SRRM1: variants seen among roughly 807,000 people sequenced by gnomAD.
The protein encoded by SRRM1 is serine and arginine repetitive matrix 1.
Under a neutral mutation model 110.2 loss-of-function variants are expected in SRRM1, and 19 were observed. The ratio of observed to expected loss-of-function variants is 0.17; its 90% confidence interval spans 0.12 to 0.25. SRRM1 has a LOEUF of 0.25. Among genes scored for constraint, SRRM1 ranks in the 10% least tolerant of loss-of-function variants. The pLI is 1.00. For synonymous variants in SRRM1, 443 were observed against 414.9 expected, an observed-to-expected ratio of 1.07 and a Z score of -0.82; for missense variants, 918 against 1,145.8, an observed-to-expected ratio of 0.80 and a Z score of 2.87.
At chr1:24,658,157 TG>T (rs1411510431) in intron 9 of SRRM1, among the ~76,000 whole-genome samples, 1 of 152,150 alleles carries the variant, frequency 6.6e-6, no homozygotes, top group African/African-American at 2.4e-5. Flanking sequence ...GTGATTCAAT[TG>T]TATTAAACCA....
chr1:24,655,176 C>G, intron 9 of SRRM1, 47 bp downstream of exon 9: 1 of 1,598,284 alleles, frequency 6.3e-7, no homozygotes, highest in Non-Finnish European at 8.6e-7. Context: ...TCTTTGGCTA[C>G]AAAGCGTAGT....
At chr1:24,669,741 G>T in intron 14 of SRRM1, 154 bp downstream of exon 14, 1 of 687,214 alleles carries the variant, frequency 1.5e-6, no homozygotes, top group Non-Finnish European at 2.4e-6. Flanking sequence ...CCATTTTTTG[G>T]GATAGTTTCT....
intron 9 of SRRM1, among the ~76,000 whole-genome samples, chr1:24,660,410 A>T (rs1666547937): frequency 6.6e-6 from 1 of 152,222 alleles, no homozygotes; most frequent in African/African-American, 2.4e-5. Flanking sequence ...ATGTTCAGAT[A>T]TGACAACAAG....
intron 9 of SRRM1, among the ~76,000 whole-genome samples, chr1:24,658,631 C>T (rs376094178): frequency 7.6e-4 from 116 of 152,224 alleles, no homozygotes; most frequent in African/African-American, 2.6e-3. Context: ...GGTGTGGTAA[C>T]TTGGACATGC....
At position 24,655,049 on chromosome 1, in the gene SRRM1, G is replaced by A. The variant is rs201477335; in HGVS notation, c.1235G>A (p.Arg412Gln). The change falls in exon 9 of 17, where the codon CGG becomes CAG. Residue 412 changes from arginine (R) to glutamine (Q), a missense_variant. Arg to Gln is a conservative substitution (Grantham distance 43). Transcript: ENST00000323848. The stretch of plus-strand genomic sequence containing the variant: ...CCTGCAACTCCACCACCCAAAACTC[G>A]GCATTCCCCTACACCCCAGCAGTCA... ...SPPATPPPKTRHSPTPQQSNR... is the reference protein window; with the variant it reads ...SPPATPPPKTQHSPTPQQSNR... 27 of 1,614,110 alleles carry A rather than the reference G, an allele frequency of 1.7e-5. No homozygotes were observed. Among genetic ancestry groups the A allele is most frequent in the East Asian group, 6.7e-5 (3 of 44,884 alleles).
In SRRM1 at chr1:24,672,201, A is replaced by G; in HGVS notation, c.2630A>G (p.Glu877Gly). ...TTTTAGGAGACTGAAAGTGAAGCTG[A>G]AGATAACCTTGATGATTTAGAAAAG... ...EPKKETESEAEDNLDDLEKHL... is the reference protein window; with the variant it reads ...EPKKETESEAGDNLDDLEKHL... Residue 877 changes from glutamate to glycine, a missense_variant, in exon 17 of 17, where the codon GAA (glutamate) becomes GGA (glycine). Glu to Gly is a moderately conservative substitution (Grantham distance 98). This residue lies in a region of SRRM1 where 62 missense variants were observed against 127.6 expected (regional missense o/e 0.49). Transcript: ENST00000323848. 6.2e-7 allele frequency: 1 copy of G among 1,610,562 alleles called. No homozygotes were observed. Among genetic ancestry groups the G allele is most frequent in the South Asian group, 1.1e-5 (1 of 90,402 alleles).
chr1:24,672,099 C>T (rs1673089490), intron 16 of SRRM1, 83 bp from the exon 17 acceptor site: 2 of 1,056,366 alleles, frequency 1.9e-6, no homozygotes, highest in Non-Finnish European at 2.8e-6. Context: ...TGATGTTCCC[C>T]TCCCACACTT....
chr1:24,663,063 C>A (rs1668076798), intron 12 of SRRM1: 2 of 1,004,168 alleles, frequency 2.0e-6, no homozygotes, highest in African/African-American at 1.6e-5. Context: ...ACTATTATAG[C>A]AGTAACTCCT....
chr1:24,661,505 A>T, intron 11 of SRRM1, 109 bp downstream of exon 11: 1 of 733,866 alleles, frequency 1.4e-6, no homozygotes, highest in Non-Finnish European at 2.1e-6. Context: ...CTACATAGAA[A>T]TCTGTCTGAG....
chr1:24,668,096 C>T (rs547177130), intron 13 of SRRM1, among the ~76,000 whole-genome samples: 6 of 151,254 alleles, frequency 4.0e-5, no homozygotes, highest in African/African-American at 9.7e-5. Flanking sequence ...CTCAGCCTCC[C>T]GAGTAGCTGG....
intron 6 of SRRM1, among the ~76,000 whole-genome samples, chr1:24,652,175 A>G (rs1030058261): frequency 6.7e-6 from 1 of 150,252 alleles, no homozygotes; most frequent in African/African-American, 2.4e-5. Context: ...AGCCAAAATC[A>G]TGCCAGTACA....
At chr1:24,643,386 C>T in intron 1 of SRRM1, 39 bp downstream of exon 1, 1 of 1,533,058 alleles carries the variant, frequency 6.5e-7, no homozygotes, top group Non-Finnish European at 8.7e-7. Context: ...AGGCCAGGGA[C>T]TTCTCGGTAA....
In SRRM1 at chr1:24,670,191, C is replaced by G. The variant is rs138138056; in HGVS notation, c.2276C>G (p.Pro759Arg). 5 of 1,614,068 alleles carry G rather than the reference C, an allele frequency of 3.1e-6. No individual in the cohort carries two copies. Among genetic ancestry groups the G allele is most frequent in the Non-Finnish European group, 4.2e-6 (5 of 1,180,012 alleles). ...SSRSVSGSPEPAAKKPPAPPS... is the reference protein window; with the variant it reads ...SSRSVSGSPERAAKKPPAPPS... ...CGATCTGTCTCCGGGTCTCCTGAGC[C>G]AGCAGCTAAAAAGCCCCCAGCACCT... Residue 759 changes from proline (P) to arginine (R), a missense_variant, in exon 15 of 17, where the codon CCA becomes CGA. Coordinates refer to ENST00000323848, the MANE Select transcript of SRRM1 (RefSeq NM_005839.4).
intron 9 of SRRM1, among the ~76,000 whole-genome samples, chr1:24,659,393 T>G (rs1055192808): frequency 6.6e-6 from 1 of 152,156 alleles, no homozygotes; most frequent in African/African-American, 2.4e-5. Context: ...GTATTCTGAG[T>G]CAAACATTCC....
intron 8 of SRRM1, 81 bp downstream of exon 8, chr1:24,653,113 G>A (rs1661952329): frequency 1.4e-6 from 2 of 1,382,800 alleles, no homozygotes; most frequent in Admixed American, 2.3e-5. Context: ...GTAAATTAGT[G>A]TCCCCTGGAA....
In SRRM1 at chr1:24,670,129, C is replaced by T. The variant is rs1166880053; in HGVS notation, c.2214C>T (p.Ser738=). The T allele has an allele frequency of 6.3e-7, 1 of 1,580,886 alleles. No homozygotes were observed. The highest frequency in any genetic ancestry group is 8.6e-7 in the Non-Finnish European group (1 of 1,167,544). ...TTTCCTTTTTGTCTAGGGCTGCTTC[C>T]CCAAGCCCACAGTCTGTAAGAAGGG... is the stretch of plus-strand genomic sequence containing the variant. ...PEPKKIKKAA[S]PSPQSVRRVS... is the part of the protein sequence containing the mutation. Residue 738 remains serine, a synonymous_variant, in exon 15 of 17, where the codon TCC becomes TCT. Transcript: ENST00000323848.
intron 16 of SRRM1, 127 bp downstream of exon 16, chr1:24,671,722 T>C (rs1672820659): frequency 1.3e-6 from 1 of 757,804 alleles, no homozygotes; most frequent in Non-Finnish European, 2.1e-6. Context: ...AAAAGTCACG[T>C]ACCATACAGT....
chr1:24,644,207 C>T (rs1181669946), intron 1 of SRRM1, among the ~76,000 whole-genome samples: 1 of 152,142 alleles, frequency 6.6e-6, no homozygotes, highest in Non-Finnish European at 1.5e-5. Context: ...GTAGTTGGTT[C>T]TCGGGGCCCA....
chr1:24,651,307 T>G (rs2148323846), intron 5 of SRRM1, 102 bp from the exon 6 acceptor site: 1 of 884,248 alleles, frequency 1.1e-6, no homozygotes, highest in South Asian at 1.7e-5. Context: ...ATCTCAGATA[T>G]AAACAGTAGT....
Sources: allele counts gnomAD v4.1 joint callset (sites outside exome capture counted in the v4.1 genomes callset), GRCh38; gene constraint gnomAD v4.1.1; regional missense constraint gnomAD v4.1.1; transcripts MANE v1.5; gene names NCBI Gene and HGNC (gene_info 2026-07-23, HGNC 2026-07-21).